Variants in MET observed in about 807,000 individuals in gnomAD.
MET encodes MET proto-oncogene, receptor tyrosine kinase.
In MET, 48 loss-of-function variants were observed where a neutral mutation model predicts 133.1. The ratio of observed to expected loss-of-function variants is 0.36; its 90% confidence interval spans 0.29 to 0.46. The LOEUF (loss-of-function observed/expected upper bound fraction) is 0.46, where lower values mean the gene tolerates loss of function less well. MET is among the 20% of genes least tolerant of loss of function. The pLI, the probability that MET is intolerant of heterozygous loss-of-function variation, is 1.00. For synonymous variants in MET, 628 were observed against 616.5 expected, an observed-to-expected ratio of 1.02 and a Z score of -0.28; for missense variants, 1,442 against 1,695.9, an observed-to-expected ratio of 0.85 and a Z score of 2.63.
chr7:116,707,237 G>C (rs2116640130), intron 2 of MET, among the ~76,000 whole-genome samples: 1 of 151,924 alleles, frequency 6.6e-6, no homozygotes. Flanking sequence ...AACCATTCTT[G>C]GTGATCACAA....
chr7:116,731,856 G>T lies in MET; in HGVS notation c.1389G>T (p.Met463Ile), dbSNP rs1218003906. 1 of 1,613,962 alleles carries T rather than the reference G, an allele frequency of 6.2e-7. No individual in the cohort carries two copies. The highest frequency in any genetic ancestry group is 1.7e-5 in the Admixed American group (1 of 59,992). The change falls in exon 3 of 21, where the codon ATG (methionine) becomes ATT (isoleucine). Residue 463 changes from methionine (M) to isoleucine (I), a missense_variant. Met to Ile is a conservative substitution (Grantham distance 10). Coordinates refer to ENST00000397752, the MANE Select transcript of MET (RefSeq NM_000245.4). ...ANLGTSEGRF[M>I]QVVVSRSGPS... ...TTGGGACATCAGAGGGTCGCTTCAT[G>T]CAGGTAAGTGCTTTCTGAGAGTAGC...
intron 5 of MET, among the ~76,000 whole-genome samples, chr7:116,745,726 T>C (rs1428654191): frequency 1.3e-5 from 2 of 152,186 alleles, no homozygotes; most frequent in Admixed American, 1.3e-4. Flanking sequence ...TGGCTAGCCA[T>C]ATGGAGAAAG....
intron 5 of MET, among the ~76,000 whole-genome samples, chr7:116,754,990 A>AAGAAAGAAAGAAAGAAAGAAAGAG (rs1794108182): frequency 7.0e-6 from 1 of 142,674 alleles, no homozygotes; most frequent in Non-Finnish European, 1.5e-5. Flanking sequence ...AAAGGAAAGA[A>AAGAAAGAAAGAAAGAAAGAAAGAG]AGAAAGAAAG....
At chr7:116,713,074 T>C (rs1792058290) in intron 2 of MET, among the ~76,000 whole-genome samples, 1 of 152,170 alleles carries the variant, frequency 6.6e-6, no homozygotes, top group Non-Finnish European at 1.5e-5. Flanking sequence ...CACCAATCCA[T>C]GATTTCAAGT....
chr7:116,747,460 A>C (rs1370504408), intron 5 of MET, among the ~76,000 whole-genome samples: 2 of 152,208 alleles, frequency 1.3e-5, no homozygotes, highest in Non-Finnish European at 2.9e-5. Flanking sequence ...AAGCAAAAAA[A>C]GCAGGGGTTG....
At chr7:116,719,489 T>C (rs1331396936) in intron 2 of MET, among the ~76,000 whole-genome samples, 1 of 152,170 alleles carries the variant, frequency 6.6e-6, no homozygotes, top group East Asian at 1.9e-4. Context: ...AGCTCTTTAG[T>C]TTAATTAGAT....
At chr7:116,783,536 A>G (rs2117068371) in intron 19 of MET, 67 bp downstream of exon 19, 8 of 1,555,692 alleles carry the variant, frequency 5.1e-6, no homozygotes, top group Non-Finnish European at 7.0e-6. Context: ...TTGAAGTTTT[A>G]TCACTACTTA....
rs879896121 is a variant in MET, at chr7:116,755,045, G to GA, written c.1702-307dup. On this transcript the variant is annotated intron_variant, in intron 5 of 20. Transcript: ENST00000397752. ...GAAAGAAAGAAAGAAAGAAAGAAAA[G>GA]AAAGAAAGAACGGAAGGACTCGAAA... 4.2e-4 allele frequency among the ~76,000 whole-genome samples: 60 copies of GA among 144,436 alleles called. 1 individual carries two copies. Among genetic ancestry groups the GA allele is most frequent in the Non-Finnish European group, 4.8e-4 (31 of 65,032 alleles). 94.8% of individuals were successfully genotyped at this position (144,436 alleles called of 152,430 possible). A position where few individuals can be genotyped will look rare whatever the true frequency, so the allele number is the denominator to read the frequency against.
At chr7:116,754,893 G>GAGAAAGAAAGAA (rs542934651) in intron 5 of MET, among the ~76,000 whole-genome samples, 2,194 of 97,586 alleles carry the variant, frequency 0.022, 85 homozygotes, top group East Asian at 0.035. Flanking sequence ...GAGAGAAAGA[G>GAGAAAGAAAGAA]AGAAAGAAAG....
intron 1 of MET, among the ~76,000 whole-genome samples, chr7:116,687,376 C>G (rs39748): frequency 0.35 from 52,621 of 152,140 alleles, 10,939 homozygotes; most frequent in Admixed American, 0.46. Context: ...ATTTGCTCAG[C>G]ATTCTCTATT....
intron 11 of MET, among the ~76,000 whole-genome samples, chr7:116,769,322 A>G (rs1409750676): frequency 1.3e-5 from 2 of 152,130 alleles, no homozygotes; most frequent in African/African-American, 4.8e-5. Flanking sequence ...AAACATTGAT[A>G]CCCCCTGAGG....
At chr7:116,786,537 G>A (rs1038191047) in intron 19 of MET, among the ~76,000 whole-genome samples, 1 of 152,148 alleles carries the variant, frequency 6.6e-6, no homozygotes, top group Non-Finnish European at 1.5e-5. Context: ...GGAGAAATTG[G>A]ATGCTCAACA....
chr7:116,714,609 A>G (rs578246193), intron 2 of MET, among the ~76,000 whole-genome samples: 1 of 152,276 alleles, frequency 6.6e-6, no homozygotes, highest in East Asian at 1.9e-4. Context: ...TTGTCTCCCT[A>G]TGTAGAGGCT....
chr7:116,698,124 C>T (rs535733183), intron 1 of MET, among the ~76,000 whole-genome samples: 8 of 152,242 alleles, frequency 5.3e-5, no homozygotes, highest in Admixed American at 5.2e-4. Context: ...CATTCTAAGG[C>T]CTCTCCTTTC....
chr7:116,755,237 G>A (rs1013400368), intron 5 of MET, 118 bp from the exon 6 acceptor site: 2 of 1,213,044 alleles, frequency 1.6e-6, no homozygotes, highest in East Asian at 2.6e-5. Context: ...ACTAAATTGT[G>A]GGAAAATGAA....
chr7:116,748,404 A>G (rs1793778827), intron 5 of MET, among the ~76,000 whole-genome samples: 1 of 152,356 alleles, frequency 6.6e-6, no homozygotes, highest in South Asian at 2.1e-4. Flanking sequence ...AGAAATAAAT[A>G]AGTTCTTTGA....
At chr7:116,729,696 C>T (rs574156340) in intron 2 of MET, among the ~76,000 whole-genome samples, 2 of 152,266 alleles carry the variant, frequency 1.3e-5, no homozygotes, top group African/African-American at 2.4e-5. Context: ...CCATCGTCTA[C>T]CCCAGATTTA....
At chr7:116,694,834 GCGCC>G (rs1483914768) in intron 1 of MET, among the ~76,000 whole-genome samples, 181 of 152,166 alleles carry the variant, frequency 1.2e-3, no homozygotes, top group Non-Finnish European at 2.0e-3. Flanking sequence ...TTACAGGCAT[GCGCC>G]ACCACACCCA....
intron 6 of MET, among the ~76,000 whole-genome samples, chr7:116,755,818 T>C (rs577166923): frequency 7.2e-4 from 110 of 152,280 alleles, no homozygotes; most frequent in African/African-American, 2.3e-3. Flanking sequence ...GTAGCACTAG[T>C]TGGGATCACT....
Sources: allele counts gnomAD v4.1 joint callset (sites outside exome capture counted in the v4.1 genomes callset), GRCh38; gene constraint gnomAD v4.1.1; transcripts MANE v1.5; gene names NCBI Gene and HGNC (gene_info 2026-07-23, HGNC 2026-07-21).